Variants in MTHFS observed in about 807,000 individuals in gnomAD.
MTHFS encodes 5-formyltetrahydrofolate cyclo-ligase.
In MTHFS, 7 loss-of-function variants were observed where a neutral mutation model predicts 12.7. The ratio of observed to expected loss-of-function variants is 0.55; its 90% CI spans 0.31 to 1.03. The LOEUF is 1.03. Among genes scored for constraint, MTHFS ranks in the 50% least tolerant of loss-of-function variants. The pLI, the probability that MTHFS is intolerant of heterozygous loss-of-function variation, is 0.05. For synonymous variants in MTHFS, 100 were observed against 97.1 expected (o/e 1.03, Z -0.18); for missense variants, 252 against 258.1 (o/e 0.98, Z 0.16).
At chr15:79,848,356 A>G (rs1369011866) in intron 2 of MTHFS, among the ~76,000 whole-genome samples, 1 of 152,238 alleles carries the variant, frequency 6.6e-6, no homozygotes, top group Non-Finnish European at 1.5e-5. Flanking sequence ...AGGGGGAGAC[A>G]GAGAGTTGCC....
At chr15:79,870,918 A>G (rs1178817914) in intron 2 of MTHFS, among the ~76,000 whole-genome samples, 2 of 152,152 alleles carry the variant, frequency 1.3e-5, no homozygotes, top group East Asian at 1.9e-4. Context: ...CAAAGCAGGC[A>G]GATCACCTGA....
intron 2 of MTHFS, among the ~76,000 whole-genome samples, chr15:79,851,998 T>A (rs1015061960): frequency 1.3e-5 from 2 of 152,172 alleles, no homozygotes; most frequent in African/African-American, 4.8e-5. Flanking sequence ...CATATTATGA[T>A]GTAAAGAGTC....
At chr15:79,867,641 A>G in intron 2 of MTHFS, among the ~76,000 whole-genome samples, 1 of 152,128 alleles carries the variant, frequency 6.6e-6, no homozygotes, top group East Asian at 1.9e-4. Context: ...AAGTTTTCCA[A>G]ACACATTTCT....
intron 2 of MTHFS, among the ~76,000 whole-genome samples, chr15:79,865,099 A>G (rs1193742387): frequency 6.6e-6 from 1 of 152,252 alleles, no homozygotes; most frequent in South Asian, 2.1e-4. Flanking sequence ...TCAAAAGGTT[A>G]AATTCAAAAT....
At chr15:79,884,107 T>C (rs1189622997) in intron 2 of MTHFS, among the ~76,000 whole-genome samples, 1 of 152,242 alleles carries the variant, frequency 6.6e-6, no homozygotes, top group Non-Finnish European at 1.5e-5. Flanking sequence ...AAGGTAGGTC[T>C]GAGTCCACTT....
intron 2 of MTHFS, 60 bp from the exon 3 acceptor site, chr15:79,845,502 T>A (rs1199017926): frequency 6.4e-7 from 1 of 1,559,086 alleles, no homozygotes; most frequent in South Asian, 1.2e-5. Context: ...CATTTCAGGA[T>A]GTGTTTTTTG....
intron 2 of MTHFS, among the ~76,000 whole-genome samples, chr15:79,845,953 A>AGAGGC (rs1326995312): frequency 6.6e-6 from 1 of 152,178 alleles, no homozygotes; most frequent in Non-Finnish European, 1.5e-5. Context: ...CTCCCATTGG[A>AGAGGC]GAGGCAAGGC....
At chr15:79,860,999 C>T (rs529170058) in intron 2 of MTHFS, among the ~76,000 whole-genome samples, 1 of 152,276 alleles carries the variant, frequency 6.6e-6, no homozygotes, top group Non-Finnish European at 1.5e-5. Flanking sequence ...ACTCTGGGCA[C>T]ATCCCAATGG....
In MTHFS at chr15:79,895,475, A is replaced by G. The variant is rs144610281; in HGVS notation, c.117+1397T>C. 3.4e-3 allele frequency among the ~76,000 whole-genome samples: 520 copies of G among 152,288 alleles called. 1 individual carries two copies. The highest frequency in any genetic ancestry group is 5.6e-3 in the Non-Finnish European group (383 of 68,016). On this transcript the variant is annotated intron_variant, in intron 1 of 2. Transcript: ENST00000258874. Reference sequence around the variant, plus strand: ...TCTCTGCTCCTTTAGAGCAACAATCATATCTTTTTCATCTCCACAACCCAG... The same window carrying G: ...TCTCTGCTCCTTTAGAGCAACAATCGTATCTTTTTCATCTCCACAACCCAG...
intron 1 of MTHFS, among the ~76,000 whole-genome samples, chr15:79,896,556 G>A (rs1451642710): frequency 6.6e-6 from 1 of 152,210 alleles, no homozygotes; most frequent in Non-Finnish European, 1.5e-5. Flanking sequence ...TCCCCACGGA[G>A]GGTTTTCGAG....
chr15:79,848,691 G>C (rs529834971), intron 2 of MTHFS, among the ~76,000 whole-genome samples: 79 of 152,298 alleles, frequency 5.2e-4, no homozygotes, highest in African/African-American at 1.8e-3. Flanking sequence ...CAAATCCCTT[G>C]AGCGAGAGTT....
intron 2 of MTHFS, among the ~76,000 whole-genome samples, chr15:79,857,535 G>A (rs2033832127): frequency 6.6e-6 from 1 of 152,176 alleles, no homozygotes; most frequent in African/African-American, 2.4e-5. Context: ...CAGCTAATAT[G>A]AGCCTTGTGC....
chr15:79,863,072 C>A (rs1252986521), intron 2 of MTHFS, among the ~76,000 whole-genome samples: 1 of 152,226 alleles, frequency 6.6e-6, no homozygotes, highest in African/African-American at 2.4e-5. Flanking sequence ...CTTCTGCATT[C>A]TTTGCCTAGG....
At chr15:79,893,326 C>T (rs1280215356) in intron 1 of MTHFS, among the ~76,000 whole-genome samples, 7 of 151,732 alleles carry the variant, frequency 4.6e-5, no homozygotes, top group Non-Finnish European at 8.8e-5. Flanking sequence ...TCCTTGAACC[C>T]GGGAGGCGAA....
chr15:79,858,015 CAAAAA>C (rs71453466), intron 2 of MTHFS, among the ~76,000 whole-genome samples: 1 of 59,506 alleles, frequency 1.7e-5, no homozygotes, highest in Admixed American at 2.0e-4. Context: ...GACTCCATCT[CAAAAA>C]AAAAAAAAAA....
At chr15:79,868,888 ATAGATGTACACGCACACAC>A (rs1248024563) in intron 2 of MTHFS, among the ~76,000 whole-genome samples, 1 of 152,234 alleles carries the variant, frequency 6.6e-6, no homozygotes, top group Non-Finnish European at 1.5e-5. Context: ...AGATGTAAAT[ATAGATGTACACGCACACAC>A]ACAAACATAA....
At chr15:79,892,904 T>C (rs1047834147) in intron 1 of MTHFS, among the ~76,000 whole-genome samples, 1 of 151,908 alleles carries the variant, frequency 6.6e-6, no homozygotes, top group Non-Finnish European at 1.5e-5. Context: ...TGAGCCGAGA[T>C]TGGGCCACTG....
chr15:79,897,239 G>A (rs919718129), upstream of MTHFS: 4 of 457,342 alleles, frequency 8.7e-6, no homozygotes, highest in Admixed American at 4.4e-5. Flanking sequence ...GGGAGCGGTG[G>A]CGAGGCGCCG....
At chr15:79,864,380 A>C (rs982233522) in intron 2 of MTHFS, among the ~76,000 whole-genome samples, 1 of 151,824 alleles carries the variant, frequency 6.6e-6, no homozygotes. Flanking sequence ...CCCCATATCT[A>C]CTAAAAATAC....
Sources: allele counts gnomAD v4.1 joint callset (sites outside exome capture counted in the v4.1 genomes callset), GRCh38; gene constraint gnomAD v4.1.1; transcripts MANE v1.5; gene names NCBI Gene and HGNC (gene_info 2026-07-23, HGNC 2026-07-21).